The following CDKL4 variants were observed in gnomAD, a reference collection of about 807,000 sequenced individuals.
CDKL4 encodes the protein cyclin dependent kinase like 4, also known as cyclin-dependent kinase-like 4.
Under a neutral mutation model 42.0 loss-of-function variants are expected in CDKL4, and 44 were observed. The observed-to-expected ratio is 1.05, with a 90% CI of 0.82 to 1.35. CDKL4 has a LOEUF of 1.35. Among genes scored for constraint, CDKL4 ranks in the 40% most tolerant of loss-of-function variants. The pLI is 0.00. For synonymous variants in CDKL4, 120 were observed against 121.6 expected, an observed-to-expected ratio of 0.99 and a Z score of 0.09; for missense variants, 393 against 369.9, an observed-to-expected ratio of 1.06 and a Z score of -0.51.
intron 8 of CDKL4, among the ~76,000 whole-genome samples, chr2:39,183,613 G>T (rs1166206771): frequency 2.6e-5 from 4 of 152,162 alleles, no homozygotes; most frequent in African/African-American, 9.7e-5. Context: ...TGCAGTGCTT[G>T]ATGTCTCCCT....
rs115988711 is a variant in CDKL4 at position 39,177,172 on chromosome 2, C to G, written c.928-1076G>C. Among the ~76,000 whole-genome samples, 627 of 152,252 alleles carry G rather than the reference C, an allele frequency of 4.1e-3. 7 individuals carry two copies. The highest frequency in any genetic ancestry group is 0.014 in the African/African-American group (589 of 41,536). On this transcript the variant is annotated intron_variant, in intron 9 of 9. Transcript: ENST00000451199. Reference sequence around the variant, plus strand: ...TTTTGGAAGGCCTTGTTCACAGTCCCTGATCTGTATCAGCTGGGTTGCAGG... The same window carrying G: ...TTTTGGAAGGCCTTGTTCACAGTCCGTGATCTGTATCAGCTGGGTTGCAGG...
chr2:39,173,535 C>A (rs1274440734), downstream of CDKL4, among the ~76,000 whole-genome samples: 1 of 151,684 alleles, frequency 6.6e-6, no homozygotes, highest in Non-Finnish European at 1.5e-5. Flanking sequence ...TGGAGCCGGG[C>A]GCGGTGGCTC....
chr2:39,236,493 C>A (rs1679382070), intron 1 of CDKL4, among the ~76,000 whole-genome samples: 1 of 152,096 alleles, frequency 6.6e-6, no homozygotes, highest in African/African-American at 2.4e-5. Flanking sequence ...ACAAAGAAAT[C>A]CATGCCTTGA....
chr2:39,184,257 T>C (rs1221176684), intron 8 of CDKL4, among the ~76,000 whole-genome samples: 1 of 152,166 alleles, frequency 6.6e-6, no homozygotes, highest in South Asian at 2.1e-4. Context: ...TGTGGCGCCA[T>C]GAATGGCAGA....
intron 1 of CDKL4, among the ~76,000 whole-genome samples, chr2:39,240,413 T>A (rs1679601979): frequency 1.4e-5 from 2 of 147,600 alleles, no homozygotes; most frequent in East Asian, 2.0e-4. Context: ...AGAGCGAGAC[T>A]TCGTCTCAAA....
intron 5 of CDKL4, among the ~76,000 whole-genome samples, chr2:39,196,111 T>A (rs929655470): frequency 2.6e-5 from 4 of 152,204 alleles, no homozygotes; most frequent in African/African-American, 9.6e-5. Flanking sequence ...ATCCACCCTA[T>A]GCTACCGCAG....
chr2:39,205,984 A>G (rs1677159172), intron 4 of CDKL4, among the ~76,000 whole-genome samples: 1 of 151,876 alleles, frequency 6.6e-6, no homozygotes, highest in South Asian at 2.1e-4. Context: ...ACGGCCCACG[A>G]TGCTGTCAGA....
At chr2:39,168,698 G>A in the CDKL4 span, among the ~76,000 whole-genome samples, 3 of 146,666 alleles carry the variant, frequency 2.0e-5, no homozygotes, top group East Asian at 4.0e-4. Context: ...TAGCGCCATT[G>A]AAACTCCATC....
At chr2:39,194,562 A>C (rs1676396896) in intron 5 of CDKL4, among the ~76,000 whole-genome samples, 1 of 152,216 alleles carries the variant, frequency 6.6e-6, no homozygotes, top group Non-Finnish European at 1.5e-5. Flanking sequence ...ATTTGATATC[A>C]GTGAAGAGGA....
chr2:39,244,395 G>T (rs961748994), upstream of CDKL4, among the ~76,000 whole-genome samples: 2 of 152,256 alleles, frequency 1.3e-5, no homozygotes, highest in African/African-American at 4.8e-5. Flanking sequence ...GCCGACCCCG[G>T]GCAATGAGGG....
At chr2:39,182,869 C>T (rs1675517759) in intron 8 of CDKL4, among the ~76,000 whole-genome samples, 1 of 152,322 alleles carries the variant, frequency 6.6e-6, no homozygotes, top group Admixed American at 6.5e-5. Context: ...TGCATGCCAC[C>T]ACTCTCCTTG....
intron 1 of CDKL4, among the ~76,000 whole-genome samples, chr2:39,231,595 G>A (rs917653526): frequency 6.6e-5 from 10 of 152,176 alleles, no homozygotes; most frequent in African/African-American, 2.4e-4. Context: ...GTAACACATG[G>A]AAAATCCATC....
intron 1 of CDKL4, among the ~76,000 whole-genome samples, chr2:39,238,000 C>A (rs949485784): frequency 6.6e-6 from 1 of 152,172 alleles, no homozygotes; most frequent in Admixed American, 6.5e-5. Flanking sequence ...CATTTAACAA[C>A]TGAAGTGCAA....
At chr2:39,234,891 A>ATT (rs1302925675) in intron 1 of CDKL4, among the ~76,000 whole-genome samples, 2 of 145,080 alleles carry the variant, frequency 1.4e-5, no homozygotes, top group Non-Finnish European at 3.1e-5. Context: ...TTTAAAAAAA[A>ATT]TTTTTTTTTT....
intron 4 of CDKL4, 109 bp from the exon 5 acceptor site, chr2:39,204,726 G>A (rs1045050685): frequency 2.1e-5 from 11 of 516,778 alleles, no homozygotes; most frequent in African/African-American, 1.6e-4. Flanking sequence ...AAAAACAAAT[G>A]TGGGCTTCCT....
In CDKL4 at chr2:39,185,429, T is replaced by C. The variant is rs1675760530; in HGVS notation, c.736-782A>G. ...GTGTATATATACATATATATATACA[T>C]ATGTATATATACATGTATATATACA... On this transcript the variant is annotated intron_variant, in intron 7 of 9. Transcript: ENST00000451199. 1.3e-4 allele frequency among the ~76,000 whole-genome samples: 2 copies of C among 15,640 alleles called. 1 individual carries two copies. Among genetic ancestry groups the C allele is most frequent in the African/African-American group, 2.1e-4 (2 of 9,412 alleles). The allele number at this position is 15,640 out of a possible 152,430, so 10.3% of individuals were successfully genotyped here.
At chr2:39,177,167 AG>A (rs1244156899) in intron 9 of CDKL4, among the ~76,000 whole-genome samples, 1 of 152,168 alleles carries the variant, frequency 6.6e-6, no homozygotes, top group African/African-American at 2.4e-5. Flanking sequence ...CCTTGTTCAC[AG>A]TCCCTGATCT....
At chr2:39,229,272 T>C (rs1280868727) in intron 2 of CDKL4, 93 bp downstream of exon 2, 4 of 922,620 alleles carry the variant, frequency 4.3e-6, no homozygotes, top group Non-Finnish European at 6.3e-6. Context: ...TTAAGTCCAA[T>C]GGGGGGAAAA....
At position 39,190,403 on chromosome 2, in the gene CDKL4, CA is replaced by C; in HGVS notation, c.553del (p.Trp185GlyfsTer11). ...CTCTGCAAAAACACAACCAATAGCC[CA>C]TATATCGACTGAAGAACCATACTGA... On this transcript the variant is annotated frameshift_variant, in exon 6 of 10. Transcript: ENST00000451199. LOFTEE classifies it high-confidence loss of function. 6.2e-7 allele frequency: 1 copy of C among 1,614,010 alleles called. No homozygotes were observed. Among genetic ancestry groups the C allele is most frequent in the Non-Finnish European group, 8.5e-7 (1 of 1,179,994 alleles).
Sources: gnomAD v4.1 joint callset for allele counts (sites outside exome capture counted in the v4.1 genomes callset) on GRCh38, gnomAD v4.1.1 for gene constraint, MANE v1.5 for transcripts, NCBI Gene and HGNC (gene_info 2026-07-23, HGNC 2026-07-21) for gene names.